Variants in RCOR1 observed in about 807,000 individuals in gnomAD.
RCOR1 encodes the protein REST corepressor.
In RCOR1, 12 loss-of-function variants were observed where a neutral mutation model predicts 64.0. The observed-to-expected ratio is 0.19, with a 90% CI of 0.12 to 0.30. The LOEUF (loss-of-function observed/expected upper bound fraction) is 0.30. RCOR1 is among the 10% of genes least tolerant of loss of function. RCOR1 has a pLI of 1.00. For synonymous variants in RCOR1, 279 were observed against 227.2 expected, an observed-to-expected ratio of 1.23 and a Z score of -2.05; for missense variants, 502 against 621.2, an observed-to-expected ratio of 0.81 and a Z score of 2.04.
chr14:102,610,446 G>A (rs1316849006), intron 2 of RCOR1, among the ~76,000 whole-genome samples: 1 of 152,042 alleles, frequency 6.6e-6, no homozygotes, highest in Non-Finnish European at 1.5e-5. Flanking sequence ...TAGCTAGTAG[G>A]TGCCATATTG....
intron 4 of RCOR1, among the ~76,000 whole-genome samples, chr14:102,706,142 A>AAAAAAAAAAAAAAAAAAAAAAAAAAAAC (rs1281591870): frequency 1.4e-5 from 2 of 138,532 alleles, no homozygotes; most frequent in African/African-American, 5.4e-5. Flanking sequence ...AAAAAAAAAA[A>AAAAAAAAAAAAAAAAAAAAAAAAAAAAC]CCTAAAAAAA....
At chr14:102,614,410 G>T (rs1270532368) in intron 2 of RCOR1, among the ~76,000 whole-genome samples, 1 of 151,514 alleles carries the variant, frequency 6.6e-6, no homozygotes, top group African/African-American at 2.4e-5. Flanking sequence ...ATTTTTAGTA[G>T]AGACGGGGTT....
At chr14:102,710,208 CCAGAGG>C (rs1433393185) in intron 6 of RCOR1, among the ~76,000 whole-genome samples, 2 of 152,180 alleles carry the variant, frequency 1.3e-5, no homozygotes, top group African/African-American at 2.4e-5. Flanking sequence ...GGGATGGATT[CCAGAGG>C]CAGTGCGAGG....
chr14:102,613,227 G>T (rs1029576746), intron 2 of RCOR1, among the ~76,000 whole-genome samples: 1 of 151,668 alleles, frequency 6.6e-6, no homozygotes, highest in Admixed American at 6.6e-5. Context: ...TCAGCCTCCC[G>T]AGTAGCTGGG....
intron 2 of RCOR1, chr14:102,643,314 A>G: frequency 1.0e-6 from 1 of 980,460 alleles, no homozygotes; most frequent in Non-Finnish European, 1.2e-6. Context: ...AGATTAGAAA[A>G]GATGTGAACA....
At chr14:102,621,805 C>G (rs1893878273) in intron 2 of RCOR1, among the ~76,000 whole-genome samples, 2 of 152,124 alleles carry the variant, frequency 1.3e-5, no homozygotes, top group African/African-American at 4.8e-5. Context: ...GAGAGGGCCT[C>G]TTTTCGCCCT....
intron 2 of RCOR1, among the ~76,000 whole-genome samples, chr14:102,625,331 A>G (rs141744642): frequency 0.024 from 3,440 of 140,702 alleles, 131 homozygotes; most frequent in African/African-American, 0.082. Context: ...CACCTCCTGG[A>G]TTCAAGCGAT....
intron 2 of RCOR1, among the ~76,000 whole-genome samples, chr14:102,619,733 A>G (rs1893834903): frequency 1.3e-5 from 2 of 152,148 alleles, no homozygotes; most frequent in African/African-American, 4.8e-5. Context: ...TGCCCACCTC[A>G]GCCTCCCAAA....
In RCOR1 at chr14:102,598,571, C is replaced by T. The variant is rs1349406364; in HGVS notation, c.361+5246C>T. On this transcript the variant is annotated intron_variant, in intron 2 of 11. Coordinates refer to ENST00000262241, the MANE Select transcript of RCOR1 (RefSeq NM_015156.4). ...CATGCCGTTCTCCTGCCTCAGCCTC[C>T]CGAGTAGCTGGGACTACAGGCGCCT... Among the ~76,000 whole-genome samples the T allele has an allele frequency of 6.9e-5, 6 of 87,340 alleles. No individual in the cohort carries two copies. The Admixed American group carries it at 7.0e-4, about 10-fold the overall frequency. 57.3% of individuals were successfully genotyped at this position (87,340 alleles called of 152,430 possible).
intron 3 of RCOR1, among the ~76,000 whole-genome samples, chr14:102,684,387 T>C (rs1350983796): frequency 6.6e-6 from 1 of 152,154 alleles, no homozygotes; most frequent in East Asian, 1.9e-4. Flanking sequence ...GCATGAGACC[T>C]AGGGGTTTTC....
chr14:102,593,320 A>G lies in RCOR1; in HGVS notation c.356A>G (p.Asp119Gly), dbSNP rs1487373048. 3 of 1,543,124 alleles carry G rather than the reference A, an allele frequency of 1.9e-6. No homozygotes were observed. Among genetic ancestry groups the G allele is most frequent in the Middle Eastern group, 2.3e-4 (1 of 4,378 alleles). ...PQYQAVVPDF[D>G]PAKLARRSQE... ...TACCAGGCGGTGGTGCCCGACTTCG[A>G]CCCCGGTGAGTAGCGGCCCCGGCCG... Residue 119 changes from aspartate to glycine, a missense_variant, in exon 2 of 12, where the codon GAC becomes GGC. Asp to Gly is a moderately conservative substitution (Grantham distance 94). Around this residue, in one of 2 missense-constraint regions of RCOR1, gnomAD observed 242 missense variants for 204.9 expected, o/e 1.18. Coordinates refer to ENST00000262241, the MANE Select transcript of RCOR1 (RefSeq NM_015156.4).
chr14:102,691,105 G>A (rs1251630496), intron 3 of RCOR1, among the ~76,000 whole-genome samples: 1 of 152,184 alleles, frequency 6.6e-6, no homozygotes, highest in African/African-American at 2.4e-5. Flanking sequence ...AGGCACTGGC[G>A]AAATACACGA....
In RCOR1 at chr14:102,658,584, A is replaced by AC. The variant is rs1403834728; in HGVS notation, c.362-23305dup. On this transcript the variant is annotated intron_variant, in intron 2 of 11. Transcript: ENST00000262241. ...TCAGGAACAGGATGGCTACCTACCTACCCCCCATCCTTTTCCTGTATGCTA... is the reference window on the plus strand; with the variant it reads ...TCAGGAACAGGATGGCTACCTACCTACCCCCCCATCCTTTTCCTGTATGCTA... 3.0e-6 allele frequency: 3 copies of AC among 985,040 alleles called. No individual in the cohort carries two copies. The East Asian group carries it at 3.4e-4, about 112-fold the overall frequency. 61.0% of individuals were successfully genotyped at this position (985,040 alleles called of 1,614,324 possible). A position where few individuals can be genotyped will look rare whatever the true frequency, so the allele number is the denominator to read the frequency against.
At chr14:102,721,163 C>T (rs1030218360) in intron 9 of RCOR1, 79 bp downstream of exon 9, 1 of 1,026,716 alleles carries the variant, frequency 9.7e-7, no homozygotes, top group Admixed American at 2.0e-5. Context: ...TGTGATACAT[C>T]CCCAGTATAC....
intron 2 of RCOR1, among the ~76,000 whole-genome samples, chr14:102,636,355 G>A (rs1441014105): frequency 1.3e-5 from 2 of 151,852 alleles, no homozygotes; most frequent in Non-Finnish European, 2.9e-5. Context: ...TTGGCGCACT[G>A]CAACCTCTGC....
chr14:102,619,112 G>C (rs1251386667), intron 2 of RCOR1, among the ~76,000 whole-genome samples: 1 of 151,980 alleles, frequency 6.6e-6, no homozygotes, highest in East Asian at 1.9e-4. Context: ...GGATCTGTCT[G>C]TCTGTCTGTC....
intron 2 of RCOR1, among the ~76,000 whole-genome samples, chr14:102,611,277 T>C (rs975784408): frequency 2.0e-5 from 3 of 152,098 alleles, no homozygotes; most frequent in African/African-American, 7.2e-5. Flanking sequence ...TTCACCATGT[T>C]GGCCAGGCTG....
At position 102,716,676 on chromosome 14, in the gene RCOR1, G is replaced by A. The variant is rs565543118; in HGVS notation, c.1053+2059G>A. ...CAGTGTCTGTATGCATATGGGTCTG[G>A]TTTGAGGTTCTCTGTTCCTTTAATC... On this transcript the variant is annotated intron_variant, in intron 8 of 11. Coordinates refer to ENST00000262241, the MANE Select transcript of RCOR1 (RefSeq NM_015156.4). Among the ~76,000 whole-genome samples the A allele has an allele frequency of 6.0e-5, 9 of 151,198 alleles. No homozygotes were observed. The South Asian group carries it at 1.7e-3, about 28-fold the overall frequency.
intron 2 of RCOR1, among the ~76,000 whole-genome samples, chr14:102,642,010 A>ATAT (rs1472768768): frequency 1.3e-5 from 2 of 152,200 alleles, no homozygotes; most frequent in Non-Finnish European, 2.9e-5. Context: ...CATGTGGTGA[A>ATAT]TATTTGATAG....
Sources: allele counts gnomAD v4.1 joint callset (sites outside exome capture counted in the v4.1 genomes callset), GRCh38; gene constraint gnomAD v4.1.1; regional missense constraint gnomAD v4.1.1; transcripts MANE v1.5; gene names NCBI Gene and HGNC (gene_info 2026-07-23, HGNC 2026-07-21).